Variants in ANK3 observed in about 807,000 individuals in gnomAD.
The protein encoded by ANK3 is ankyrin 3, also known as ankyrin-3.
Under a neutral mutation model 370.9 loss-of-function variants are expected in ANK3, and 57 were observed. The observed-to-expected ratio is 0.15, with a 90% CI of 0.12 to 0.19. The LOEUF is 0.19. ANK3 is among the 10% of genes least tolerant of loss of function. ANK3 has a pLI of 1.00. For missense variants in ANK3, 4,439 were observed against 5,302.1 expected (o/e 0.84, Z 5.06); for synonymous variants, 1,929 against 1,946.3 (o/e 0.99, Z 0.23).
chr10:60,107,945 AG>A (rs2092362484), intron 27 of ANK3, among the ~76,000 whole-genome samples: 1 of 152,250 alleles, frequency 6.6e-6, no homozygotes, highest in African/African-American at 2.4e-5. Flanking sequence ...TTATGAAAGC[AG>A]AATGCTTGCA....
At chr10:60,554,400 G>T (rs2077161764) in intron 2 of ANK3, among the ~76,000 whole-genome samples, 1 of 152,068 alleles carries the variant, frequency 6.6e-6, no homozygotes, top group South Asian at 2.1e-4. Context: ...GCTCCAAACT[G>T]GTGGCAGCTC....
intron 2 of ANK3, among the ~76,000 whole-genome samples, chr10:60,451,751 T>C (rs1031506070): frequency 6.6e-5 from 10 of 152,196 alleles, no homozygotes; most frequent in Admixed American, 2.0e-4. Flanking sequence ...TGTGGTTGTC[T>C]TTGGGCTGTT....
At chr10:60,601,602 T>C (rs1048805088) in intron 2 of ANK3, among the ~76,000 whole-genome samples, 1 of 151,916 alleles carries the variant, frequency 6.6e-6, no homozygotes, top group Non-Finnish European at 1.5e-5. Context: ...CTAGCAGACA[T>C]TAGAAGAGGT....
chr10:60,463,494 T>C (rs371789887), intron 2 of ANK3, among the ~76,000 whole-genome samples: 12 of 152,274 alleles, frequency 7.9e-5, no homozygotes, highest in African/African-American at 2.9e-4. Flanking sequence ...GTAAAATCAC[T>C]CAACTATTTA....
At chr10:60,029,875 C>CTTTTTCTTTTTTTTT (rs2072915122) in intron 43 of ANK3, 49 bp from the exon 44 acceptor site, 7 of 68,606 alleles carry the variant, frequency 1.0e-4, no homozygotes, top group African/African-American at 4.0e-4. Context: ...TTTTCTTTTT[C>CTTTTTCTTTTTTTTT]TTTTTTTTTT....
At chr10:60,551,188 C>A (rs992942532) in intron 2 of ANK3, among the ~76,000 whole-genome samples, 1 of 152,006 alleles carries the variant, frequency 6.6e-6, no homozygotes, top group African/African-American at 2.4e-5. Context: ...GGATATCTAT[C>A]ACTGTAATAT....
intron 1 of ANK3, among the ~76,000 whole-genome samples, chr10:60,369,920 A>G (rs2059883308): frequency 6.6e-6 from 1 of 152,198 alleles, no homozygotes; most frequent in African/African-American, 2.4e-5. Context: ...AAGAAGAGTT[A>G]GAAAATTAGT....
At position 60,279,106 on chromosome 10, in the gene ANK3, C is replaced by T; in HGVS notation, c.259G>A (p.Val87Ile). 6.2e-7 allele frequency: 1 copy of T among 1,613,962 alleles called. No homozygotes were observed. Among genetic ancestry groups the T allele is most frequent in the Middle Eastern group, 1.7e-4 (1 of 6,058 alleles). Residue 87 changes from valine to isoleucine, a missense_variant, in exon 3 of 44, where the codon GTA becomes ATA. Val to Ile is a conservative substitution (Grantham distance 29, BLOSUM62 3). Coordinates refer to ENST00000280772, the MANE Select transcript of ANK3 (RefSeq NM_020987.5). ...ALHLASKEGH[V>I]EVVSELLQRE... ...TGCAGCAGCTCAGAAACAACCTCTA[C>T]ATGGCCTTCTTTGGAAGCAAGGTGG...
At chr10:60,326,493 T>C (rs1270991967) in intron 1 of ANK3, among the ~76,000 whole-genome samples, 3 of 152,150 alleles carry the variant, frequency 2.0e-5, no homozygotes, top group Admixed American at 6.5e-5. Context: ...TGCTTTTTTT[T>C]CATACCACGT....
intron 1 of ANK3, among the ~76,000 whole-genome samples, chr10:60,288,889 AACACACACACACACAC>A (rs35560146): frequency 5.7e-5 from 8 of 139,252 alleles, no homozygotes; most frequent in African/African-American, 1.9e-4. Context: ...AGGTAGGAAT[AACACACACACACACAC>A]ACACACACAC....
chr10:60,366,572 C>A (rs2059416327), intron 1 of ANK3, among the ~76,000 whole-genome samples: 1 of 150,748 alleles, frequency 6.6e-6, no homozygotes, highest in African/African-American at 2.4e-5. Flanking sequence ...TAGACTTTTC[C>A]TGTTTAATAC....
intron 5 of ANK3, among the ~76,000 whole-genome samples, chr10:60,267,972 G>C (rs1248479284): frequency 2.6e-5 from 4 of 152,192 alleles, no homozygotes; most frequent in Non-Finnish European, 5.9e-5. Flanking sequence ...AGTGTGAAGA[G>C]AGGCACCGTT....
chr10:60,712,832 AC>A (rs2079728659), intron 1 of ANK3, among the ~76,000 whole-genome samples: 1 of 152,214 alleles, frequency 6.6e-6, no homozygotes, highest in South Asian at 2.1e-4. Flanking sequence ...TAAAACGCTG[AC>A]TTCAGAGCAA....
rs562041758 is a variant in ANK3 at position 60,507,058 on chromosome 10, G to A, written c.96+108128C>T. 5.3e-5 allele frequency among the ~76,000 whole-genome samples: 8 copies of A among 152,120 alleles called. No homozygotes were observed. In the East Asian group the frequency reaches 1.2e-3, roughly 22 times the overall value. On this transcript the variant is annotated intron_variant, in intron 2 of 43. Coordinates refer to the ANK3 transcript ENST00000373827. ...TGGGTTGTTCAAAGAAATGGTAGCTGTTTAAGATGATGGATATGCTAATTA... is the reference window on the plus strand; with the variant it reads ...TGGGTTGTTCAAAGAAATGGTAGCTATTTAAGATGATGGATATGCTAATTA...
chr10:60,082,795 C>T (rs924718488), intron 33 of ANK3, 58 bp from the exon 34 acceptor site: 1 of 1,573,450 alleles, frequency 6.4e-7, no homozygotes, highest in African/African-American at 1.4e-5. Flanking sequence ...GGATTTTTAA[C>T]TGTATAAGAG....
At chr10:60,418,574 T>C (rs1035571728) in intron 2 of ANK3, among the ~76,000 whole-genome samples, 2 of 152,026 alleles carry the variant, frequency 1.3e-5, no homozygotes, top group African/African-American at 4.8e-5. Flanking sequence ...AATAATAATA[T>C]CAAAATAATA....
intron 1 of ANK3, among the ~76,000 whole-genome samples, chr10:60,621,484 T>C (rs1474907662): frequency 6.6e-6 from 1 of 152,194 alleles, no homozygotes; most frequent in Non-Finnish European, 1.5e-5. Context: ...ATTTTTGCAT[T>C]AGAGAGCAGT....
At chr10:60,119,697 G>A (rs1054257328) in intron 25 of ANK3, among the ~76,000 whole-genome samples, 5 of 152,122 alleles carry the variant, frequency 3.3e-5, no homozygotes, top group South Asian at 2.1e-4. Context: ...GCTTGAACCC[G>A]GGGTACAGAA....
At chr10:60,510,744 T>C (rs932112517) in intron 2 of ANK3, among the ~76,000 whole-genome samples, 2 of 152,004 alleles carry the variant, frequency 1.3e-5, no homozygotes, top group Admixed American at 6.6e-5. Flanking sequence ...TGCTTGAATC[T>C]GGGAGGTGGA....
Sources: gnomAD v4.1 joint callset for allele counts (sites outside exome capture counted in the v4.1 genomes callset) on GRCh38, gnomAD v4.1.1 for gene constraint, MANE v1.5 for transcripts, NCBI Gene and HGNC (gene_info 2026-07-23, HGNC 2026-07-21) for gene names.